The following POLN variants were observed in gnomAD, a reference collection of about 807,000 sequenced individuals.
POLN encodes DNA polymerase nu, also known as DNA polymerase N.
A neutral mutation model predicts 113.5 loss-of-function variants in POLN; 108 were observed. The ratio of observed to expected loss-of-function variants is 0.95; its 90% CI spans 0.81 to 1.12. POLN has a LOEUF of 1.12. Among genes scored for constraint, POLN ranks in the 50% most tolerant of loss-of-function variants. The pLI, the probability that POLN is intolerant of heterozygous loss-of-function variation, is 0.00. For synonymous variants in POLN, 386 were observed against 391.5 expected (o/e 0.99, Z 0.17); for missense variants, 1,097 against 1,077.1 (o/e 1.02, Z -0.26).
intron 5 of POLN, among the ~76,000 whole-genome samples, chr4:2,201,305 G>GAAAAAAAAAA (rs1733709580): frequency 8.6e-5 from 5 of 58,102 alleles, no homozygotes; most frequent in African/African-American, 3.1e-4. Flanking sequence ...AAAAAAAAAC[G>GAAAAAAAAAA]AGGGGAGAAA....
chr4:2,120,526 C>G (rs1731414111), intron 19 of POLN, among the ~76,000 whole-genome samples: 1 of 151,720 alleles, frequency 6.6e-6, no homozygotes, highest in Non-Finnish European at 1.5e-5. Flanking sequence ...CAGAGTCTCG[C>G]TCTGTCACCC....
chr4:2,114,440 T>C (rs536576587), intron 19 of POLN, among the ~76,000 whole-genome samples: 2 of 152,310 alleles, frequency 1.3e-5, no homozygotes, highest in African/African-American at 4.8e-5. Context: ...ACACATTCCT[T>C]TGGATTTTAT....
intron 18 of POLN, among the ~76,000 whole-genome samples, chr4:2,128,830 G>A (rs549109504): frequency 4.1e-4 from 62 of 152,172 alleles, no homozygotes; most frequent in African/African-American, 1.4e-3. Context: ...CAAGGCAGGT[G>A]GATCACCTGA....
intron 2 of POLN, chr4:2,232,303 A>T: frequency 4.1e-6 from 2 of 482,750 alleles, no homozygotes; most frequent in Non-Finnish European, 7.2e-6. Flanking sequence ...TCGATTTAAA[A>T]TCCATAACAG....
intron 5 of POLN, among the ~76,000 whole-genome samples, chr4:2,200,698 T>C (rs1275666896): frequency 6.6e-6 from 1 of 152,038 alleles, no homozygotes; most frequent in African/African-American, 2.4e-5. Flanking sequence ...CCCCATTGGA[T>C]AAAAGAATCT....
At position 2,126,923 on chromosome 4, in the gene POLN, C is replaced by T. The variant is rs1241197375; in HGVS notation, c.1982+1190G>A. On this transcript the variant is annotated intron_variant, in intron 19 of 25. Coordinates refer to ENST00000511885, the MANE Select transcript of POLN (RefSeq NM_181808.4). The surrounding 1 kb of genome is among the most constrained non-coding windows in gnomAD (Gnocchi z 4.6). ...CCCCCGCCTTCAGCAAAGACAGAGG[C>T]GGAGACAGCGCATGGGGAGGGGAGT... is the stretch of plus-strand genomic sequence containing the variant. Among the ~76,000 whole-genome samples, 3 of 152,104 alleles carry T rather than the reference C, an allele frequency of 2.0e-5. No homozygotes were observed. Among genetic ancestry groups the T allele is most frequent in the Non-Finnish European group, 4.4e-5 (3 of 68,008 alleles).
chr4:2,199,883 T>G (rs2108760069), intron 5 of POLN, among the ~76,000 whole-genome samples: 1 of 152,248 alleles, frequency 6.6e-6, no homozygotes, highest in South Asian at 2.1e-4. Flanking sequence ...AGCCAACAGT[T>G]GAGTAATATT....
At chr4:2,213,744 A>T (rs1156947503) in intron 3 of POLN, among the ~76,000 whole-genome samples, 2 of 152,198 alleles carry the variant, frequency 1.3e-5, no homozygotes, top group East Asian at 3.8e-4. Context: ...ATAACAAAAA[A>T]GATACAAGGC....
At chr4:2,164,592 C>G (rs1422998784) in intron 13 of POLN, among the ~76,000 whole-genome samples, 4 of 149,720 alleles carry the variant, frequency 2.7e-5, no homozygotes, top group Non-Finnish European at 5.9e-5. Flanking sequence ...TACCTGAGGT[C>G]AGGAGTTTGA....
At chr4:2,177,279 C>T (rs760165358) in intron 8 of POLN, 3 of 481,940 alleles carry the variant, frequency 6.2e-6, no homozygotes, top group Admixed American at 4.3e-5. Flanking sequence ...CTCTGGCTCC[C>T]CACAGCCATG....
rs548035422 is a variant in POLN, at chr4:2,119,346, C to A, written c.1982+8767G>T. 6.6e-4 allele frequency among the ~76,000 whole-genome samples: 100 copies of A among 152,246 alleles called. 1 individual carries two copies. The highest frequency in any genetic ancestry group is 2.3e-3 in the African/African-American group (94 of 41,542). On this transcript the variant is annotated intron_variant, in intron 19 of 25. Coordinates refer to ENST00000511885, the MANE Select transcript of POLN (RefSeq NM_181808.4). ...AGACGTGATGGTTCCTTGAAGAAGG[C>A]GCCTTAATGGCATGTCTTGGACCCC...
chr4:2,238,757 C>T lies in POLN; in HGVS notation c.-13+2763G>A, dbSNP rs150198664. The T allele has an allele frequency of 3.0e-3, 4,809 of 1,613,662 alleles. 12 individuals carry two copies. Among genetic ancestry groups the T allele is most frequent in the Non-Finnish European group, 3.8e-3 (4,449 of 1,179,808 alleles). The stretch of plus-strand genomic sequence containing the variant: ...ATTTTCAAGTTGACGATATATGTCC[C>T]GATGCTTTCTTAATTCAATTTCATA... On this transcript the variant is annotated intron_variant, in intron 2 of 25. Coordinates refer to ENST00000511885, the MANE Select transcript of POLN (RefSeq NM_181808.4).
chr4:2,089,943 TG>T, intron 20 of POLN: 1 of 987,590 alleles, frequency 1.0e-6, no homozygotes. Flanking sequence ...AGTTAGCTAG[TG>T]AAAGTTCTTT....
In POLN at chr4:2,129,275, A is replaced by G; in HGVS notation, c.1790-19T>C. ...TCTTTACCTGAATTGTTATTTCAAG[A>G]GCATTTAGTGAATTTGGTCATGAAC... On this transcript the variant is annotated intron_variant, in intron 17 of 25. Coordinates refer to ENST00000511885, the MANE Select transcript of POLN (RefSeq NM_181808.4). 1 of 1,530,616 alleles carries G rather than the reference A, an allele frequency of 6.5e-7. No individual in the cohort carries two copies. Among genetic ancestry groups the G allele is most frequent in the Non-Finnish European group, 9.1e-7 (1 of 1,104,638 alleles). 94.8% of individuals were successfully genotyped at this position (1,530,616 alleles called of 1,614,324 possible). A position where few individuals can be genotyped will look rare whatever the true frequency, so the allele number is the denominator to read the frequency against.
Position 2,093,002 on chromosome 4 carries a change from T to C in POLN, c.2065+2849A>G, listed in dbSNP as rs1381757116. Among the ~76,000 whole-genome samples the C allele has an allele frequency of 2.0e-5, 3 of 152,214 alleles. No individual in the cohort carries two copies. Among genetic ancestry groups the C allele is most frequent in the Admixed American group, 2.0e-4 (3 of 15,286 alleles). On this transcript the variant is annotated intron_variant, in intron 20 of 25. Transcript: ENST00000511885. This position sits in a 1 kb window ranked among gnomAD's most constrained non-coding sequence, Gnocchi z 4.1. Reference sequence around the variant, plus strand: ...CGGAGGCTCAGGGTGGGAACCCTTGTCACTGTCACAGCTAAAAGCAGCCAA... The same window carrying C: ...CGGAGGCTCAGGGTGGGAACCCTTGCCACTGTCACAGCTAAAAGCAGCCAA...
intron 19 of POLN, among the ~76,000 whole-genome samples, chr4:2,096,989 C>T (rs1486976974): frequency 6.6e-6 from 1 of 152,204 alleles, no homozygotes; most frequent in African/African-American, 2.4e-5. Flanking sequence ...CTTTTGAATG[C>T]CCTAATTTCC....
At chr4:2,231,894 G>A (rs1455550793) in intron 2 of POLN, 11 of 899,810 alleles carry the variant, frequency 1.2e-5, no homozygotes, top group Middle Eastern at 2.2e-4. Context: ...AATAAAAGAG[G>A]ACACGTAATA....
intron 19 of POLN, among the ~76,000 whole-genome samples, chr4:2,104,465 G>T (rs1051945967): frequency 3.3e-5 from 5 of 152,212 alleles, no homozygotes; most frequent in Non-Finnish European, 5.9e-5. Context: ...AGAACTACCA[G>T]ACTGTTTTTC....
At chr4:2,184,157 G>GT (rs59107300) in intron 7 of POLN, among the ~76,000 whole-genome samples, 40,304 of 135,456 alleles carry the variant, frequency 0.3, 7,420 homozygotes, top group African/African-American at 0.53. Flanking sequence ...CCCAGCCAAA[G>GT]TTTTTTTTTT....
Sources: gnomAD v4.1 joint callset for allele counts (sites outside exome capture counted in the v4.1 genomes callset) on GRCh38, gnomAD v4.1.1 for gene constraint, Gnocchi (gnomAD v3.1) non-coding constraint, MANE v1.5 for transcripts, NCBI Gene and HGNC (gene_info 2026-07-23, HGNC 2026-07-21) for gene names.